TBC1D22A: variants seen among roughly 807,000 people sequenced by gnomAD.
The protein encoded by TBC1D22A is TBC1 domain family member 22A.
A neutral mutation model predicts 60.2 loss-of-function variants in TBC1D22A; 38 were observed. That is an observed-to-expected ratio of 0.63 (90% CI 0.49 to 0.83). The LOEUF is 0.83. Ranked by LOEUF, TBC1D22A falls within the 40% of genes least tolerant of loss-of-function variation. TBC1D22A has a pLI of 0.00. For missense variants in TBC1D22A, 628 were observed against 701.0 expected (o/e 0.90, Z 1.18); for synonymous variants, 302 against 281.7 (o/e 1.07, Z -0.72).
At chr22:46,796,212 A>T (rs775640505) in intron 3 of TBC1D22A, among the ~76,000 whole-genome samples, 2 of 152,100 alleles carry the variant, frequency 1.3e-5, no homozygotes, top group Non-Finnish European at 2.9e-5. Flanking sequence ...TCTGAAGTCT[A>T]TGTCCCCACT....
chr22:47,146,211 C>T (rs1302648140), intron 12 of TBC1D22A, among the ~76,000 whole-genome samples: 3 of 152,178 alleles, frequency 2.0e-5, no homozygotes, highest in African/African-American at 4.8e-5. Flanking sequence ...TGTTCCCTGC[C>T]GTCCCTTTCA....
rs907172107 is a variant in TBC1D22A at position 46,848,227 on chromosome 22, G to A, written c.638-30426G>A. On this transcript the variant is annotated intron_variant, in intron 4 of 12. Coordinates refer to ENST00000337137, the MANE Select transcript of TBC1D22A (RefSeq NM_014346.5). ...TCCAAAAAAATGGTATCGCGGAGGC[G>A]GTGTCAGAAGAGCCCCAGAAGTATT... Among the ~76,000 whole-genome samples, 3 of 152,328 alleles carry A rather than the reference G, an allele frequency of 2.0e-5. No individual in the cohort carries two copies. In the South Asian group the frequency reaches 6.2e-4, roughly 32 times the overall value.
At chr22:46,802,873 T>G (rs2084956645) in intron 4 of TBC1D22A, among the ~76,000 whole-genome samples, 2 of 150,200 alleles carry the variant, frequency 1.3e-5, no homozygotes, top group African/African-American at 2.5e-5. Flanking sequence ...GCTGCGTGAG[T>G]CGGGGGCTGA....
At chr22:47,173,106 C>G (rs2068551192) in intron 12 of TBC1D22A, among the ~76,000 whole-genome samples, 2 of 152,240 alleles carry the variant, frequency 1.3e-5, no homozygotes, top group African/African-American at 2.4e-5. Flanking sequence ...AGCTGGGTCT[C>G]CCCCTGAGGG....
chr22:46,886,457 G>A (rs1266134647), intron 5 of TBC1D22A, among the ~76,000 whole-genome samples: 2 of 152,096 alleles, frequency 1.3e-5, no homozygotes, highest in South Asian at 2.1e-4. Flanking sequence ...TTGGGGATGC[G>A]TCTGACACGC....
chr22:46,773,767 C>T lies in TBC1D22A; in HGVS notation c.62+10919C>T, dbSNP rs149759348. Among the ~76,000 whole-genome samples the T allele has an allele frequency of 4.0e-3, 611 of 152,290 alleles. 6 individuals are homozygous for T. Among genetic ancestry groups the T allele is most frequent in the African/African-American group, 0.014 (564 of 41,556 alleles). On this transcript the variant is annotated intron_variant, in intron 1 of 12. Transcript: ENST00000337137. ...GATTACAGGTGTGAGCCACTGCACCCGGCGGGCTAGACACTGTACATGCAA... is the reference window on the plus strand; with the variant it reads ...GATTACAGGTGTGAGCCACTGCACCTGGCGGGCTAGACACTGTACATGCAA...
chr22:46,823,372 C>T (rs1007848710), intron 4 of TBC1D22A, among the ~76,000 whole-genome samples: 3 of 152,210 alleles, frequency 2.0e-5, no homozygotes, highest in Non-Finnish European at 4.4e-5. Context: ...GAAATCGCCA[C>T]GTGTGCATCA....
chr22:46,792,956 C>G (rs774949815), intron 2 of TBC1D22A, among the ~76,000 whole-genome samples: 4 of 152,274 alleles, frequency 2.6e-5, no homozygotes, highest in Non-Finnish European at 4.4e-5. Context: ...CCTGGCCCCT[C>G]CACAGCAGGC....
intron 11 of TBC1D22A, among the ~76,000 whole-genome samples, chr22:47,071,582 C>T (rs1480627484): frequency 6.6e-6 from 1 of 152,244 alleles, no homozygotes; most frequent in Non-Finnish European, 1.5e-5. Context: ...AAGCCCTTCA[C>T]TCGGGGCCGG....
In TBC1D22A at chr22:46,976,882, G is replaced by C. The variant is rs889918339; in HGVS notation, c.1125+2483G>C. ...TTATTGGAGCCGCTGAGCCAGAACT[G>C]TGTGCTGGGGGCTCTTCCTCACCAG... is the stretch of plus-strand genomic sequence containing the variant. On this transcript the variant is annotated intron_variant, in intron 9 of 12. Transcript: ENST00000337137. Among the ~76,000 whole-genome samples, 5 of 152,338 alleles carry C rather than the reference G, an allele frequency of 3.3e-5. No individual in the cohort carries two copies. The East Asian group carries it at 9.7e-4, about 29-fold the overall frequency.
intron 10 of TBC1D22A, among the ~76,000 whole-genome samples, chr22:47,010,073 C>T (rs1324317957): frequency 6.6e-6 from 1 of 152,232 alleles, no homozygotes; most frequent in Non-Finnish European, 1.5e-5. Context: ...CTTTATGTAC[C>T]TGAACATTTT....
At chr22:46,853,810 G>A (rs2087419522) in intron 4 of TBC1D22A, among the ~76,000 whole-genome samples, 1 of 152,190 alleles carries the variant, frequency 6.6e-6, no homozygotes, top group South Asian at 2.1e-4. Context: ...TGGAGACTCA[G>A]CAGTGAGCAC....
At chr22:46,793,899 C>T in intron 3 of TBC1D22A, 58 bp downstream of exon 3, 2 of 1,435,284 alleles carry the variant, frequency 1.4e-6, no homozygotes, top group Non-Finnish European at 1.9e-6. Flanking sequence ...AGAAAGTGGC[C>T]AGAACACACT....
chr22:46,790,527 G>A (rs900449465), intron 1 of TBC1D22A, among the ~76,000 whole-genome samples: 2 of 152,142 alleles, frequency 1.3e-5, no homozygotes, highest in African/African-American at 4.8e-5. Flanking sequence ...GACTAAGAAG[G>A]AATCCTCTGT....
intron 4 of TBC1D22A, among the ~76,000 whole-genome samples, chr22:46,867,098 C>T (rs1430108578): frequency 2.6e-5 from 4 of 152,184 alleles, no homozygotes; most frequent in Admixed American, 2.0e-4. Flanking sequence ...CCATGCATTT[C>T]CCCCCAGATG....
chr22:47,144,564 C>T lies in TBC1D22A; in HGVS notation c.1426-28934C>T, dbSNP rs974817664. On this transcript the variant is annotated intron_variant, in intron 12 of 12. Coordinates refer to ENST00000337137, the MANE Select transcript of TBC1D22A (RefSeq NM_014346.5). ...CTGGCGTGCACACAGTATACAAGCA[C>T]ATACGCGCATGCACTTAGGGCACAC... 2.6e-5 allele frequency among the ~76,000 whole-genome samples: 4 copies of T among 152,374 alleles called. No individual in the cohort carries two copies. The East Asian group carries it at 5.8e-4, about 22-fold the overall frequency.
intron 12 of TBC1D22A, among the ~76,000 whole-genome samples, chr22:47,112,788 A>C (rs1025219711): frequency 4.6e-5 from 7 of 152,082 alleles, no homozygotes; most frequent in Non-Finnish European, 1.0e-4. Flanking sequence ...TTGGCATCTC[A>C]ATCTCAGACA....
chr22:46,951,243 A>T (rs1259574709), intron 8 of TBC1D22A, among the ~76,000 whole-genome samples: 1 of 152,196 alleles, frequency 6.6e-6, no homozygotes. Context: ...CATGTGTATT[A>T]TTTTTGTAGC....
intron 4 of TBC1D22A, among the ~76,000 whole-genome samples, chr22:46,807,188 T>C (rs114454349): frequency 0.011 from 1,681 of 152,172 alleles, 37 homozygotes; most frequent in African/African-American, 0.039. Flanking sequence ...CGTGGAACGA[T>C]GGAGGATCAA....
Sources: gnomAD v4.1 joint callset for allele counts (sites outside exome capture counted in the v4.1 genomes callset) on GRCh38, gnomAD v4.1.1 for gene constraint, MANE v1.5 for transcripts, NCBI Gene and HGNC (gene_info 2026-07-23, HGNC 2026-07-21) for gene names.